The following MAP3K15 variants were observed in gnomAD, a reference collection of about 807,000 sequenced individuals.
MAP3K15 encodes mitogen-activated protein kinase kinase kinase 15.
A neutral mutation model predicts 99.5 loss-of-function variants in MAP3K15; 124 were observed. That is an observed-to-expected ratio of 1.25 (90% CI 1.08 to 1.45). MAP3K15 has a LOEUF of 1.45. MAP3K15 is among the 40% of genes most tolerant of loss of function. The pLI is 0.00. For synonymous variants in MAP3K15, 494 were observed against 439.6 expected (o/e 1.12, Z -1.55); for missense variants, 1,242 against 1,079.7 (o/e 1.15, Z -2.11).
intron 3 of MAP3K15, among the ~76,000 whole-genome samples, chrX:19,471,211 G>A (rs2064205719): frequency 2.7e-5 from 3 of 111,085 alleles, no homozygotes; most frequent in African/African-American, 6.5e-5. Flanking sequence ...AGAAGAAGAG[G>A]AGAGAAAGGA....
At chrX:19,413,487 T>C (rs1281287676) in intron 10 of MAP3K15, 23 bp from the exon 11 acceptor site, 1 of 1,106,207 alleles carries the variant, frequency 9.0e-7, no homozygotes, top group African/African-American at 1.8e-5. Flanking sequence ...CAGATGCCTG[T>C]TAACGTACAT....
chrX:19,399,734 G>A (rs1602272811), intron 14 of MAP3K15, among the ~76,000 whole-genome samples: 1 of 48,310 alleles, frequency 2.1e-5, no homozygotes, highest in South Asian at 1.8e-3. Context: ...GTGAGACTCT[G>A]TTTCCAAAAA....
chrX:19,475,548 A>T (rs894790408), intron 3 of MAP3K15, among the ~76,000 whole-genome samples: 1 of 111,288 alleles, frequency 9.0e-6, no homozygotes, highest in African/African-American at 3.3e-5. Context: ...TTCACGTAGA[A>T]CATCCTAACT....
chrX:19,477,481 A>G (rs1462968768), intron 3 of MAP3K15, among the ~76,000 whole-genome samples: 21 of 110,974 alleles, frequency 1.9e-4, no homozygotes, highest in Non-Finnish European at 3.2e-4. Flanking sequence ...AGGCCAAGGC[A>G]GGCAGATCAT....
intron 3 of MAP3K15, among the ~76,000 whole-genome samples, chrX:19,465,830 GGTGTGT>G (rs10589040): frequency 2.1e-4 from 20 of 93,997 alleles, no homozygotes; most frequent in Admixed American, 8.3e-4. Flanking sequence ...GGTGTGTAGG[GGTGTGT>G]GTGTGTGTGT....
intron 13 of MAP3K15, among the ~76,000 whole-genome samples, chrX:19,406,601 C>T (rs1488857099): frequency 8.9e-6 from 1 of 112,484 alleles, no homozygotes; most frequent in Non-Finnish European, 1.9e-5. Context: ...AGGAATGACT[C>T]TATGGATAGT....
chrX:19,400,414 T>C (rs1303082483), intron 14 of MAP3K15, among the ~76,000 whole-genome samples, 162 bp downstream of exon 14: 1 of 111,989 alleles, frequency 8.9e-6, no homozygotes, highest in Non-Finnish European at 1.9e-5. Flanking sequence ...GAGATTCTTC[T>C]CTGGAGACAC....
At chrX:19,462,476 C>G (rs1199699187) in intron 4 of MAP3K15, among the ~76,000 whole-genome samples, 1 of 112,008 alleles carries the variant, frequency 8.9e-6, no homozygotes, top group Non-Finnish European at 1.9e-5. Context: ...GGCACTGAAG[C>G]TATTAAAGTG....
At chrX:19,506,584 G>A (rs2064479011) in intron 1 of MAP3K15, among the ~76,000 whole-genome samples, 1 of 110,350 alleles carries the variant, frequency 9.1e-6, no homozygotes, top group African/African-American at 3.4e-5. Context: ...GCAGTAGCGC[G>A]ATCTTGGCCC....
rs1388420390 is a variant in MAP3K15, at chrX:19,431,558, A to G, written c.1046T>C (p.Val349Ala). The G allele has an allele frequency of 8.4e-7, 1 of 1,197,588 alleles. No homozygotes were observed. The highest frequency in any genetic ancestry group is 1.1e-6 in the Non-Finnish European group (1 of 894,191). Reference sequence around the variant, plus strand: ...GCCCGGGTGATCACAGCTCTGCAGAACCTGGAGCATGATCTGCAGAGCCTT... The same window carrying G: ...GCCCGGGTGATCACAGCTCTGCAGAGCCTGGAGCATGATCTGCAGAGCCTT... ...REKALQIMLQ[V>A]LQSCDHPGPD... The change falls in exon 7 of 29, where the codon GTT becomes GCT. Residue 349 changes from valine (V) to alanine (A), a missense_variant. Transcript: ENST00000338883.
intron 18 of MAP3K15, among the ~76,000 whole-genome samples, chrX:19,389,421 A>G (rs1271052637): frequency 1.8e-5 from 2 of 110,724 alleles, no homozygotes; most frequent in Non-Finnish European, 3.8e-5. Context: ...GGAGGGCTCC[A>G]GGCCAGGAAG....
Position 19,398,340 on chromosome X carries a change from G to C in MAP3K15, c.1952C>G (p.Ala651Gly), listed in dbSNP as rs149730374. 10 of 1,208,960 alleles carry C rather than the reference G, an allele frequency of 8.3e-6. No individual in the cohort carries two copies. The highest frequency in any genetic ancestry group is 2.2e-5 in the Admixed American group (1 of 45,609). ...CCCCAAGACAACTCTCTCACCATTT[G>C]CATCATGGTCATACTCATACTGAAG... ...DTLEYEYDHD[A>G]NGERVVLGKG... Residue 651 changes from alanine to glycine, a missense_variant, in exon 15 of 29, where the codon GCA becomes GGA. Physicochemically the swap from Ala to Gly is moderately conservative, Grantham distance 60. Transcript: ENST00000338883.
chrX:19,484,309 G>A (rs1274006899), intron 3 of MAP3K15, among the ~76,000 whole-genome samples: 1 of 111,335 alleles, frequency 9.0e-6, no homozygotes, highest in Non-Finnish European at 1.9e-5. Context: ...TCTAGGCTGC[G>A]TGCTCCTTAC....
intron 18 of MAP3K15, among the ~76,000 whole-genome samples, chrX:19,389,603 C>T (rs1339408260): frequency 8.9e-6 from 1 of 112,333 alleles, no homozygotes; most frequent in Non-Finnish European, 1.9e-5. Flanking sequence ...CCCAAACACC[C>T]CTGCATTCTT....
Position 19,424,332 on chromosome X carries a change from A to AT in MAP3K15, c.1439+1198dup, listed in dbSNP as rs761929076. On this transcript the variant is annotated intron_variant, in intron 9 of 28. Transcript: ENST00000338883. Reference sequence around the variant, plus strand: ...CACATATATATACATATATATATATATTTTTTTATGCTTTAAGTTCTAGGG... The same window carrying AT: ...CACATATATATACATATATATATATATTTTTTTTATGCTTTAAGTTCTAGGG... Among the ~76,000 whole-genome samples, 10 of 106,733 alleles carry AT rather than the reference A, an allele frequency of 9.4e-5. No individual in the cohort carries two copies. The South Asian group carries it at 1.2e-3, about 13-fold the overall frequency. 92.7% of individuals were successfully genotyped at this position (106,733 alleles called of 115,157 possible). A position where few individuals can be genotyped will look rare whatever the true frequency, so the allele number is the denominator to read the frequency against.
At chrX:19,415,714 A>C (rs778886687) in intron 9 of MAP3K15, among the ~76,000 whole-genome samples, 1 of 110,328 alleles carries the variant, frequency 9.1e-6, no homozygotes, top group African/African-American at 3.3e-5. Context: ...GAAGCCTAGA[A>C]ATATAAAAAA....
rs939500344 is a variant in MAP3K15 at position 19,470,232 on chromosome X, T to C, written c.526-5826A>G. Reference sequence around the variant, plus strand: ...AATACTATGCAGCCATAAAAAAGGATGAGTTCATGTCCTTTGTAGGGACAT... The same window carrying C: ...AATACTATGCAGCCATAAAAAAGGACGAGTTCATGTCCTTTGTAGGGACAT... On this transcript the variant is annotated intron_variant, in intron 3 of 28. Coordinates refer to ENST00000338883, the MANE Select transcript of MAP3K15 (RefSeq NM_001001671.4). 1.2e-4 allele frequency among the ~76,000 whole-genome samples: 13 copies of C among 111,387 alleles called. No individual in the cohort carries two copies. In the East Asian group the frequency reaches 2.5e-3, roughly 22 times the overall value.
chrX:19,444,070 G>GCCAT (rs2063978224), intron 6 of MAP3K15, among the ~76,000 whole-genome samples: 1 of 111,726 alleles, frequency 9.0e-6, no homozygotes, highest in Non-Finnish European at 1.9e-5. Flanking sequence ...GCACATTCCT[G>GCCAT]CCATCCATGA....
chrX:19,461,992 AAC>A (rs66666219), intron 4 of MAP3K15, among the ~76,000 whole-genome samples: 1,977 of 100,542 alleles, frequency 0.02, 40 homozygotes, highest in African/African-American at 0.054. Context: ...CTTGGTCTAA[AAC>A]ACACACACAC....
Sources: allele counts gnomAD v4.1 joint callset (sites outside exome capture counted in the v4.1 genomes callset), GRCh38; gene constraint gnomAD v4.1.1; transcripts MANE v1.5; gene names NCBI Gene and HGNC (gene_info 2026-07-23, HGNC 2026-07-21).